Variants in FAM107B observed in about 807,000 individuals in gnomAD.
FAM107B encodes the protein protein FAM107B.
FAM107B carries 21 observed loss-of-function variants against 31.5 expected under a neutral mutation model. That is an observed-to-expected ratio of 0.67 (90% CI 0.47 to 0.96). FAM107B has a LOEUF of 0.96. Ranked by LOEUF, FAM107B falls within the 40% of genes least tolerant of loss-of-function variation. The probability of loss-of-function intolerance (pLI) is 0.00; values close to 1 mark genes in which losing one functional copy is unlikely to be tolerated. For missense variants in FAM107B, 452 were observed against 377.1 expected (o/e 1.20, Z -1.64); for synonymous variants, 157 against 141.5 (o/e 1.11, Z -0.78).
chr10:14,762,754 TCACACACACACACACACACACA>T (rs35574582), intron 1 of FAM107B, among the ~76,000 whole-genome samples: 19 of 116,238 alleles, frequency 1.6e-4, no homozygotes, highest in African/African-American at 3.0e-4. Context: ...AAACTCTGTC[TCACACACACACACACACACACA>T]CACACACACA....
chr10:14,727,625 G>A (rs1856068030), intron 1 of FAM107B, among the ~76,000 whole-genome samples: 1 of 152,210 alleles, frequency 6.6e-6, no homozygotes. Flanking sequence ...TGAGACATGT[G>A]TTTTACATTC....
At chr10:14,667,216 G>A (rs1027188619) in intron 2 of FAM107B, among the ~76,000 whole-genome samples, 5 of 151,924 alleles carry the variant, frequency 3.3e-5, no homozygotes, top group Admixed American at 6.6e-5. Context: ...TCACTTTAGC[G>A]AAGCTGCATA....
chr10:14,741,644 A>AT (rs937831064), intron 1 of FAM107B, among the ~76,000 whole-genome samples: 26 of 134,704 alleles, frequency 1.9e-4, no homozygotes, highest in Non-Finnish European at 6.4e-5. Flanking sequence ...CAGCACTGTT[A>AT]TTTTTTTCTT....
chr10:14,685,698 T>C (rs1210145731), intron 1 of FAM107B, among the ~76,000 whole-genome samples: 1 of 152,132 alleles, frequency 6.6e-6, no homozygotes, highest in African/African-American at 2.4e-5. Context: ...TATGAACACA[T>C]ACTTGGAGCG....
At chr10:14,532,102 A>G (rs965834506) in intron 2 of FAM107B, among the ~76,000 whole-genome samples, 10 of 152,216 alleles carry the variant, frequency 6.6e-5, no homozygotes, top group Admixed American at 1.3e-4. Context: ...AAACATATCA[A>G]TGCTGACCCT....
At chr10:14,559,801 C>T (rs12776669) in intron 2 of FAM107B, among the ~76,000 whole-genome samples, 53,464 of 150,006 alleles carry the variant, frequency 0.36, 9,661 homozygotes, top group South Asian at 0.52. Flanking sequence ...AATCTCCTGA[C>T]CTCGTGATCC....
At chr10:14,626,903 C>A (rs965562464) in intron 2 of FAM107B, among the ~76,000 whole-genome samples, 1 of 152,186 alleles carries the variant, frequency 6.6e-6, no homozygotes, top group African/African-American at 2.4e-5. Context: ...TATCTGCACC[C>A]ACCTGATCTG....
chr10:14,681,011 G>A (rs1469116157), intron 1 of FAM107B, among the ~76,000 whole-genome samples: 1 of 152,342 alleles, frequency 6.6e-6, no homozygotes, highest in Admixed American at 6.5e-5. Flanking sequence ...TCCAGGATCA[G>A]GGAGACTCTG....
intron 1 of FAM107B, among the ~76,000 whole-genome samples, chr10:14,725,992 A>ATT (rs200256526): frequency 4.8e-5 from 7 of 145,802 alleles, no homozygotes; most frequent in Non-Finnish European, 6.0e-5. Flanking sequence ...CACCCGGCTA[A>ATT]TTTTTTTTTT....
At chr10:14,571,337 A>G (rs1156656294) in intron 2 of FAM107B, among the ~76,000 whole-genome samples, 1 of 152,170 alleles carries the variant, frequency 6.6e-6, no homozygotes, top group African/African-American at 2.4e-5. Context: ...CAGGCCTACA[A>G]TCTTCACTAG....
intron 1 of FAM107B, among the ~76,000 whole-genome samples, chr10:14,733,233 C>T (rs1856215348): frequency 6.6e-6 from 1 of 151,990 alleles, no homozygotes; most frequent in South Asian, 2.1e-4. Context: ...GGAATATCAG[C>T]TATAGTACAT....
At chr10:14,727,383 C>T (rs140747786) in intron 1 of FAM107B, among the ~76,000 whole-genome samples, 3 of 152,336 alleles carry the variant, frequency 2.0e-5, no homozygotes, top group East Asian at 1.9e-4. Flanking sequence ...GCCTGAGCCA[C>T]GTCTCTTAGA....
intron 3 of FAM107B, chr10:14,528,062 G>C: frequency 2.6e-6 from 1 of 379,154 alleles, no homozygotes; most frequent in South Asian, 2.0e-5. Flanking sequence ...GGGAGAAAAA[G>C]CAATAGGAAA....
chr10:14,728,120 A>T (rs1437689893), intron 1 of FAM107B, among the ~76,000 whole-genome samples: 1 of 152,128 alleles, frequency 6.6e-6, no homozygotes, highest in Admixed American at 6.5e-5. Context: ...ACCCAACACA[A>T]TGCTTGTGAG....
chr10:14,648,375 G>T (rs955670528), intron 2 of FAM107B, among the ~76,000 whole-genome samples: 2 of 152,220 alleles, frequency 1.3e-5, no homozygotes, highest in Non-Finnish European at 2.9e-5. Flanking sequence ...AGTACTGAGT[G>T]CTAAGAGGCT....
intron 1 of FAM107B, among the ~76,000 whole-genome samples, chr10:14,700,561 G>A (rs1855373376): frequency 6.6e-6 from 1 of 151,910 alleles, no homozygotes; most frequent in Non-Finnish European, 1.5e-5. Context: ...ATGACCATGA[G>A]AATGAGGGGT....
Position 14,579,766 on chromosome 10 carries a change from C to T in FAM107B, c.470-49251G>A, listed in dbSNP as rs554395817. ...GTTAAAAGTCATACATGTCTCATGCCTGTAATCCCAGCATTTGGGAGGCTG... is the reference window on the plus strand; with the variant it reads ...GTTAAAAGTCATACATGTCTCATGCTTGTAATCCCAGCATTTGGGAGGCTG... On this transcript the variant is annotated intron_variant, in intron 2 of 4. Transcript: ENST00000181796. Among the ~76,000 whole-genome samples the T allele has an allele frequency of 3.3e-5, 5 of 152,286 alleles. No homozygotes were observed. The South Asian group carries it at 1.0e-3, about 32-fold the overall frequency.
chr10:14,629,522 T>TA (rs1195293460), intron 2 of FAM107B, among the ~76,000 whole-genome samples: 55 of 108,810 alleles, frequency 5.1e-4, no homozygotes, highest in Admixed American at 2.3e-3. Flanking sequence ...TATATATATA[T>TA]TTTTTTTTGA....
chr10:14,704,932 G>T (rs971784586), intron 1 of FAM107B, among the ~76,000 whole-genome samples: 1 of 146,486 alleles, frequency 6.8e-6, no homozygotes, highest in East Asian at 2.0e-4. Context: ...GCTAAGGCAG[G>T]AGAATCACTT....
Sources: allele counts gnomAD v4.1 joint callset (sites outside exome capture counted in the v4.1 genomes callset), GRCh38; gene constraint gnomAD v4.1.1; transcripts MANE v1.5; gene names NCBI Gene and HGNC (gene_info 2026-07-23, HGNC 2026-07-21).